Variants in MAGEA6 observed in about 807,000 individuals in gnomAD.
MAGEA6 encodes MAGE family member A6.
For synonymous variants in MAGEA6, 100 were observed against 98.8 expected, an observed-to-expected ratio of 1.01 and a Z score of -0.07; for missense variants, 281 against 231.4, an observed-to-expected ratio of 1.21 and a Z score of -1.39.
chrX:152,767,012 G>A lies in MAGEA6; in HGVS notation c.639C>T (p.Gly213=), dbSNP rs146315408. The change falls in exon 3 of 3, where the codon GGC becomes GGT. Residue 213 remains glycine, a synonymous_variant. Transcript: ENST00000329342. ...AGATTTTCTCCTCAGGGGCACAGTC[G>A]CCCTCTTTTGCGATTATGGCCAGGA... is the stretch of plus-strand genomic sequence containing the variant. The part of the protein sequence containing the change: ...IIILAIIAKE[G]DCAPEEKIWE... 1.2e-5 allele frequency: 15 copies of A among 1,208,793 alleles called. No homozygotes were observed. Among genetic ancestry groups the A allele is most frequent in the African/African-American group, 1.8e-5 (1 of 57,039 alleles).
At position 152,767,244 on chromosome X, in the gene MAGEA6, A is replaced by C; in HGVS notation, c.407T>G (p.Leu136Arg). The C allele has an allele frequency of 2.1e-5, 25 of 1,210,604 alleles. No homozygotes were observed. Among genetic ancestry groups the C allele is most frequent in the Non-Finnish European group, 2.8e-5 (25 of 894,667 alleles). Residue 136 changes from leucine (L) to arginine (R), a missense_variant, in exon 3 of 3, where the codon CTG becomes CGG. Transcript: ENST00000329342. ...AREPVTKAEM[L>R]GSVVGNWQYF... ...CTGCCAATTTCCGACGACACTCCCC[A>C]GCATTTCTGCCTTTGTGACCGGCTC... is the stretch of plus-strand genomic sequence containing the variant.
rs1556826517 is a variant in MAGEA6 at position 152,767,129 on chromosome X, G to A, written c.522C>T (p.His174=). Residue 174 remains histidine, a synonymous_variant, in exon 3 of 3, where the codon CAC becomes CAT. Transcript: ENST00000329342. Reference sequence around the variant, plus strand: ...CCAGGCAGGTGGCAAAGATGTACACGTGGCCGATGGGGTCCACTTCCATCA... The same window carrying A: ...CCAGGCAGGTGGCAAAGATGTACACATGGCCGATGGGGTCCACTTCCATCA... The part of the protein sequence containing the change: ...IELMEVDPIG[H]VYIFATCLGL... The A allele has an allele frequency of 8.3e-6, 10 of 1,209,086 alleles. No individual in the cohort carries two copies. The highest frequency in any genetic ancestry group is 3.5e-5 in the South Asian group (2 of 56,712).
At position 152,766,996 on chromosome X, in the gene MAGEA6, C is replaced by A. The variant is rs2124946792; in HGVS notation, c.655G>T (p.Glu219Ter). 1 of 1,210,965 alleles carries A rather than the reference C, an allele frequency of 8.3e-7. No individual in the cohort carries two copies. The highest frequency in any genetic ancestry group is 2.2e-5 in the Admixed American group (1 of 46,059). ...ACACTCAGCTCCTCCCAGATTTTCT[C>A]CTCAGGGGCACAGTCGCCCTCTTTT... ...IAKEGDCAPE[E>*]KIWEELSVLE... is the part of the protein sequence containing the mutation. The change falls in exon 3 of 3, where the codon GAG (glutamate) becomes TAG (stop). Residue 219 changes from glutamate (E) to a stop codon, truncating the protein, a stop_gained. Transcript: ENST00000329342. LOFTEE classifies it low-confidence loss of function (END_TRUNC).
In MAGEA6 at chrX:152,766,631, T is replaced by C. The variant is rs1471178240; in HGVS notation, c.*75A>G. On this transcript the variant is annotated 3_prime_UTR_variant, in exon 3 of 3. Coordinates refer to ENST00000329342, the MANE Select transcript of MAGEA6 (RefSeq NM_005363.5). ...TCACGTCACAGGAGGCAGTGGAAAC[T>C]AAGGGATGGGGCCCCGGAAGGTGCA... The C allele has an allele frequency of 1.6e-5, 17 of 1,086,549 alleles. No individual in the cohort carries two copies. The highest frequency in any genetic ancestry group is 2.1e-5 in the Non-Finnish European group (17 of 804,635). 89.5% of individuals were successfully genotyped at this position (1,086,549 alleles called of 1,213,427 possible).
chrX:152,766,292 G>C lies in MAGEA6; in HGVS notation c.*414C>G, dbSNP rs1231190150. The C allele has an allele frequency of 1.0e-5, 2 of 197,576 alleles. No individual in the cohort carries two copies. Among genetic ancestry groups the C allele is most frequent in the African/African-American group, 7.6e-5 (2 of 26,226 alleles). 16.3% of individuals were successfully genotyped at this position (197,576 alleles called of 1,213,427 possible). A position where few individuals can be genotyped will look rare whatever the true frequency, so the allele number is the denominator to read the frequency against. Reference sequence around the variant, plus strand: ...TGATTTCTTGAGTTATCTCATGTATGTTATTGCTAATTCGCTCACAATTTT... The same window carrying C: ...TGATTTCTTGAGTTATCTCATGTATCTTATTGCTAATTCGCTCACAATTTT... On this transcript the variant is annotated 3_prime_UTR_variant, in exon 3 of 3. Transcript: ENST00000329342.
At position 152,766,970 on chromosome X, in the gene MAGEA6, C is replaced by T. The variant is rs1556826769; in HGVS notation, c.681G>A (p.Val227=). Residue 227 remains valine, a synonymous_variant, in exon 3 of 3, where the codon GTG becomes GTA. Transcript: ENST00000329342. ...PEEKIWEELS[V]LEVFEGREDS... is the part of the protein sequence containing the mutation. Reference sequence around the variant, plus strand: ...CTTCCCTCCCCTCAAACACCTCTAACACACTCAGCTCCTCCCAGATTTTCT... The same window carrying T: ...CTTCCCTCCCCTCAAACACCTCTAATACACTCAGCTCCTCCCAGATTTTCT... The T allele has an allele frequency of 1.5e-5, 18 of 1,208,964 alleles. No individual in the cohort carries two copies. Among genetic ancestry groups the T allele is most frequent in the Non-Finnish European group, 1.9e-5 (17 of 894,449 alleles).
chrX:152,767,112 G>A lies in MAGEA6; in HGVS notation c.539C>T (p.Thr180Ile). ...GCCATCGTAGGAGAGGCCCAGGCAG[G>A]TGGCAAAGATGTACACGTGGCCGAT... is the stretch of plus-strand genomic sequence containing the variant. ...DPIGHVYIFA[T>I]CLGLSYDGLL... The change falls in exon 3 of 3, where the codon ACC becomes ATC. Residue 180 changes from threonine (T) to isoleucine (I), a missense_variant. By Grantham distance (89) the Thr-to-Ile change is moderately conservative. Coordinates refer to ENST00000329342, the MANE Select transcript of MAGEA6 (RefSeq NM_005363.5). The A allele has an allele frequency of 8.3e-7, 1 of 1,210,916 alleles. No homozygotes were observed. Among genetic ancestry groups the A allele is most frequent in the Non-Finnish European group, 1.1e-6 (1 of 894,777 alleles).
rs782554328 is a variant in MAGEA6, at chrX:152,766,677, C to A, written c.*29G>T. ...GTGCACTGGCCCAAACCCCCTCCCA[C>A]TGGCCCTGGCTGCAACTCGTGCTCA... On this transcript the variant is annotated 3_prime_UTR_variant, in exon 3 of 3. Coordinates refer to ENST00000329342, the MANE Select transcript of MAGEA6 (RefSeq NM_005363.5). The A allele has an allele frequency of 8.4e-7, 1 of 1,193,445 alleles. No individual in the cohort carries two copies. The highest frequency in any genetic ancestry group is 1.9e-5 in the South Asian group (1 of 53,800).
In MAGEA6 at chrX:152,766,876, G is replaced by A. The variant is rs1556826957; in HGVS notation, c.775C>T (p.Arg259Trp). The A allele has an allele frequency of 7.9e-5, 95 of 1,209,240 alleles. No homozygotes were observed. The highest frequency in any genetic ancestry group is 1.0e-4 in the Non-Finnish European group (93 of 894,515). The change falls in exon 3 of 3, where the codon CGG (arginine) becomes TGG (tryptophan). Residue 259 changes from arginine to tryptophan, a missense_variant. Arg to Trp is a moderately radical substitution (Grantham distance 101). Transcript: ENST00000329342. ...YFVQENYLEYRQVPGSDPACY... is the reference protein window; with the variant it reads ...YFVQENYLEYWQVPGSDPACY... ...GCAGGATCACTGCCGGGGACCTGCC[G>A]GTACTCCAGGTAGTTTTCCTGCACG... is the stretch of plus-strand genomic sequence containing the variant.
In MAGEA6 at chrX:152,766,943, G is replaced by T. The variant is rs374422758; in HGVS notation, c.708C>A (p.Asp236Glu). ...SVLEVFEGRE[D>E]SIFGDPKKLL... ...GCTTCTTGGGATCCCCGAAGATACT[G>T]TCTTCCCTCCCCTCAAACACCTCTA... The change falls in exon 3 of 3, where the codon GAC becomes GAA. Residue 236 changes from aspartate (D) to glutamate (E), a missense_variant. Physicochemically the swap from Asp to Glu is conservative, Grantham distance 45 (BLOSUM62 2). Coordinates refer to ENST00000329342, the MANE Select transcript of MAGEA6 (RefSeq NM_005363.5). The T allele has an allele frequency of 1.7e-6, 2 of 1,210,837 alleles. No individual in the cohort carries two copies. The highest frequency in any genetic ancestry group is 2.2e-6 in the Non-Finnish European group (2 of 894,763).
Position 152,766,815 on chromosome X carries a change from A to T in MAGEA6, c.836T>A (p.Ile279Asn), listed in dbSNP as rs1556827099. Residue 279 changes from isoleucine (I) to asparagine (N), a missense_variant, in exon 3 of 3, where the codon ATT (isoleucine) becomes AAT (asparagine). Coordinates refer to ENST00000329342, the MANE Select transcript of MAGEA6 (RefSeq NM_005363.5). ...CAGGACTTTCACATAGCTGGTTTCAATGAGGGCCCTTGGACCCCACAGGAA... is the reference window on the plus strand; with the variant it reads ...CAGGACTTTCACATAGCTGGTTTCATTGAGGGCCCTTGGACCCCACAGGAA... ...YEFLWGPRAL[I>N]ETSYVKVLHH... 2.5e-6 allele frequency: 3 copies of T among 1,209,136 alleles called. No homozygotes were observed. The highest frequency in any genetic ancestry group is 3.4e-6 in the Non-Finnish European group (3 of 894,490).
rs782161754 is a variant in MAGEA6, at chrX:152,766,719, T to A, written c.932A>T (p.Glu311Val). 2.5e-6 allele frequency: 3 copies of A among 1,206,708 alleles called. No homozygotes were observed. In the African/African-American group the frequency reaches 5.3e-5, roughly 21 times the overall value. The change falls in exon 3 of 3, where the codon GAG (glutamate) becomes GTG (valine). Residue 311 changes from glutamate (E) to valine (V), a missense_variant. Physicochemically the swap from Glu to Val is moderately radical, Grantham distance 121. Coordinates refer to ENST00000329342, the MANE Select transcript of MAGEA6 (RefSeq NM_005363.5). The part of the protein sequence containing the change: ...YPLLHEWALR[E>V]GEE The stretch of plus-strand genomic sequence containing the variant: ...TCGTGCTCAGACTCACTCTTCCCCC[T>A]CTCTCAAAGCCCACTCATGCAGGAG...
rs1556827099 is a variant in MAGEA6, at chrX:152,766,815, A to G, written c.836T>C (p.Ile279Thr). ...CAGGACTTTCACATAGCTGGTTTCAATGAGGGCCCTTGGACCCCACAGGAA... is the reference window on the plus strand; with the variant it reads ...CAGGACTTTCACATAGCTGGTTTCAGTGAGGGCCCTTGGACCCCACAGGAA... ...YEFLWGPRAL[I>T]ETSYVKVLHH... The change falls in exon 3 of 3, where the codon ATT (isoleucine) becomes ACT (threonine). Residue 279 changes from isoleucine (I) to threonine (T), a missense_variant. Physicochemically the swap from Ile to Thr is moderately conservative, Grantham distance 89. Transcript: ENST00000329342. 9.2e-5 allele frequency: 111 copies of G among 1,209,189 alleles called. 1 individual carries two copies. The highest frequency in any genetic ancestry group is 8.8e-4 in the South Asian group (50 of 56,696).
At position 152,766,644 on chromosome X, in the gene MAGEA6, C is replaced by G. The variant is rs1214060563; in HGVS notation, c.*62G>C. On this transcript the variant is annotated 3_prime_UTR_variant, in exon 3 of 3. Transcript: ENST00000329342. ...GGCAGTGGAAACTAAGGGATGGGGC[C>G]CCGGAAGGTGCACTGGCCCAAACCC... is the stretch of plus-strand genomic sequence containing the variant. 25 of 1,150,973 alleles carry G rather than the reference C, an allele frequency of 2.2e-5. No homozygotes were observed. The Admixed American group carries it at 6.0e-4, about 28-fold the overall frequency. 94.9% of individuals were successfully genotyped at this position (1,150,973 alleles called of 1,213,427 possible).
At position 152,766,559 on chromosome X, in the gene MAGEA6, A is replaced by C; in HGVS notation, c.*147T>G. The C allele has an allele frequency of 1.8e-6, 1 of 552,999 alleles. No individual in the cohort carries two copies. 45.6% of individuals were successfully genotyped at this position (552,999 alleles called of 1,213,427 possible). A position where few individuals can be genotyped will look rare whatever the true frequency, so the allele number is the denominator to read the frequency against. The stretch of plus-strand genomic sequence containing the variant: ...AAGTCATCCAACAGAACAGAAACCC[A>C]CTACTAAGAATGCTGACTGCTCGCT... On this transcript the variant is annotated 3_prime_UTR_variant, in exon 3 of 3. Transcript: ENST00000329342.
In MAGEA6 at chrX:152,766,971, A is replaced by G. The variant is rs2124946849; in HGVS notation, c.680T>C (p.Val227Ala). ...PEEKIWEELS[V>A]LEVFEGREDS... ...TTCCCTCCCCTCAAACACCTCTAAC[A>G]CACTCAGCTCCTCCCAGATTTTCTC... Residue 227 changes from valine to alanine, a missense_variant, in exon 3 of 3, where the codon GTG becomes GCG. Val to Ala is a moderately conservative substitution (Grantham distance 64). Coordinates refer to ENST00000329342, the MANE Select transcript of MAGEA6 (RefSeq NM_005363.5). The G allele has an allele frequency of 8.3e-7, 1 of 1,210,074 alleles. No individual in the cohort carries two copies. Among genetic ancestry groups the G allele is most frequent in the Non-Finnish European group, 1.1e-6 (1 of 894,544 alleles).
At position 152,767,307 on chromosome X, in the gene MAGEA6, T is replaced by C. The variant is rs1556826257; in HGVS notation, c.344A>G (p.Lys115Arg). 31 of 1,208,169 alleles carry C rather than the reference T, an allele frequency of 2.6e-5. No homozygotes were observed. Among genetic ancestry groups the C allele is most frequent in the Non-Finnish European group, 3.2e-5 (29 of 894,153 alleles). ...FQAALSRKVA[K>R]LVHFLLLKYR... ...CTTGAGGAGCAGAAAATGAACCAACTTGGCCACCTTCCTACTGAGTGCTGC... is the reference window on the plus strand; with the variant it reads ...CTTGAGGAGCAGAAAATGAACCAACCTGGCCACCTTCCTACTGAGTGCTGC... The change falls in exon 3 of 3, where the codon AAG becomes AGG. Residue 115 changes from lysine (K) to arginine (R), a missense_variant. By Grantham distance (26) the Lys-to-Arg change is conservative. Transcript: ENST00000329342.
In MAGEA6 at chrX:152,767,141, G is replaced by A. The variant is rs1556826494; in HGVS notation, c.510C>T (p.Asp170=). 1.6e-4 allele frequency: 189 copies of A among 1,209,157 alleles called. No individual in the cohort carries two copies. The highest frequency in any genetic ancestry group is 7.0e-4 in the African/African-American group (40 of 57,083). The change falls in exon 3 of 3, where the codon GAC becomes GAT. Residue 170 remains aspartate, a synonymous_variant. Transcript: ENST00000329342. ...LVFGIELMEV[D]PIGHVYIFAT... Reference sequence around the variant, plus strand: ...CAAAGATGTACACGTGGCCGATGGGGTCCACTTCCATCAGCTCGATGCCAA... The same window carrying A: ...CAAAGATGTACACGTGGCCGATGGGATCCACTTCCATCAGCTCGATGCCAA...
chrX:152,766,911 G>T lies in MAGEA6; in HGVS notation c.740C>A (p.Thr247Asn). The stretch of plus-strand genomic sequence containing the variant: ...GTAGTTTTCCTGCACGAAATATTGG[G>T]TGAGCAGCTTCTTGGGATCCCCGAA... ...SIFGDPKKLL[T>N]QYFVQENYLE... Residue 247 changes from threonine (T) to asparagine (N), a missense_variant, in exon 3 of 3, where the codon ACC becomes AAC. Coordinates refer to ENST00000329342, the MANE Select transcript of MAGEA6 (RefSeq NM_005363.5). The T allele has an allele frequency of 8.3e-7, 1 of 1,210,903 alleles. No homozygotes were observed. Among genetic ancestry groups the T allele is most frequent in the African/African-American group, 1.7e-5 (1 of 57,764 alleles).
Sources: allele counts gnomAD v4.1 joint callset, GRCh38; gene constraint gnomAD v4.1.1; transcripts MANE v1.5; gene names NCBI Gene and HGNC (gene_info 2026-07-23, HGNC 2026-07-21).